RC3H2: variants seen among roughly 807,000 people sequenced by gnomAD.
RC3H2 encodes roquin-2.
RC3H2 carries 31 observed loss-of-function variants against 133.3 expected under a neutral mutation model. The ratio of observed to expected loss-of-function variants is 0.23; its 90% CI spans 0.17 to 0.31. The LOEUF (loss-of-function observed/expected upper bound fraction) is 0.31. Ranked by LOEUF, RC3H2 falls within the 10% of genes least tolerant of loss-of-function variation. RC3H2 has a pLI of 1.00. For synonymous variants in RC3H2, 517 were observed against 502.2 expected (o/e 1.03, Z -0.40); for missense variants, 1,175 against 1,437.2 (o/e 0.82, Z 2.95).
At chr9:122,875,316 T>A in intron 9 of RC3H2, 1 of 1,550,648 alleles carries the variant, frequency 6.4e-7, no homozygotes, top group Non-Finnish European at 8.7e-7. Flanking sequence ...GTGCCCAAGC[T>A]AGCCACTGAG....
intron 2 of RC3H2, among the ~76,000 whole-genome samples, chr9:122,895,608 G>C (rs904384688): frequency 2.0e-5 from 3 of 152,194 alleles, no homozygotes; most frequent in African/African-American, 7.2e-5. Flanking sequence ...GATGCACCTT[G>C]ATTTCATAGT....
intron 9 of RC3H2, 135 bp from the exon 10 acceptor site, chr9:122,865,792 T>C (rs142099395): frequency 9.0e-6 from 6 of 665,542 alleles, no homozygotes; most frequent in Non-Finnish European, 1.5e-5. Context: ...AGCTAAATAA[T>C]CAAATACAGT....
chr9:122,858,280 G>A (rs1370241503), intron 12 of RC3H2, among the ~76,000 whole-genome samples, 187 bp from the exon 13 acceptor site: 1 of 152,154 alleles, frequency 6.6e-6, no homozygotes, highest in Non-Finnish European at 1.5e-5. Context: ...GATGTTAAAC[G>A]CAGAATCTGA....
intron 10 of RC3H2, among the ~76,000 whole-genome samples, chr9:122,862,427 C>T (rs751298059): frequency 2.6e-5 from 4 of 152,194 alleles, no homozygotes; most frequent in Admixed American, 6.5e-5. Flanking sequence ...GCTGCCTTCT[C>T]CATCCACAAG....
chr9:122,889,314 C>A (rs530881956), intron 4 of RC3H2, among the ~76,000 whole-genome samples: 1 of 152,046 alleles, frequency 6.6e-6, no homozygotes, highest in South Asian at 2.1e-4. Context: ...GAAATATATT[C>A]TTTTATTGGT....
chr9:122,869,076 T>G (rs1475676062), intron 9 of RC3H2, among the ~76,000 whole-genome samples: 1 of 151,882 alleles, frequency 6.6e-6, no homozygotes. Flanking sequence ...TGGTTAACTT[T>G]TGTATTTTTA....
At chr9:122,892,081 G>T (rs1315455378) in intron 3 of RC3H2, among the ~76,000 whole-genome samples, 2 of 151,000 alleles carry the variant, frequency 1.3e-5, no homozygotes, top group Non-Finnish European at 2.9e-5. Context: ...TTCAAATAAT[G>T]TACAAATTTC....
intron 2 of RC3H2, among the ~76,000 whole-genome samples, chr9:122,896,323 T>C (rs572864386): frequency 1.3e-5 from 2 of 152,232 alleles, no homozygotes; most frequent in South Asian, 4.1e-4. Flanking sequence ...TACACTATTA[T>C]ATAAAAAGTC....
At chr9:122,857,623 G>A (rs1471291865) in intron 13 of RC3H2, among the ~76,000 whole-genome samples, 1 of 152,082 alleles carries the variant, frequency 6.6e-6, no homozygotes, top group Non-Finnish European at 1.5e-5. Flanking sequence ...ATACAGTGCT[G>A]GCATGAGTAG....
At chr9:122,894,227 C>G (rs1832322092) in intron 2 of RC3H2, among the ~76,000 whole-genome samples, 1 of 151,768 alleles carries the variant, frequency 6.6e-6, no homozygotes, top group Admixed American at 6.6e-5. Context: ...CCACTGCACT[C>G]CAGCCTGGGC....
chr9:122,896,988 T>G (rs948176503), intron 2 of RC3H2, among the ~76,000 whole-genome samples: 6 of 122,534 alleles, frequency 4.9e-5, no homozygotes, highest in Non-Finnish European at 9.3e-5. Context: ...ATCACGCCAC[T>G]GCACACCAGC....
chr9:122,857,954 G>A lies in RC3H2; in HGVS notation c.2423C>T (p.Ser808Phe), dbSNP rs1251960233. The part of the protein sequence containing the change: ...PVATQSPTPP[S>F]PLFSVDFRAD... ...ACGAAAGTCTACACTGAACAGAGGAGAAGGTGGTGTTGGTGACTGTGTTGC... is the reference window on the plus strand; with the variant it reads ...ACGAAAGTCTACACTGAACAGAGGAAAAGGTGGTGTTGGTGACTGTGTTGC... Residue 808 changes from serine (S) to phenylalanine (F), a missense_variant, in exon 13 of 21, where the codon TCT (serine) becomes TTT (phenylalanine). This residue lies in a region of RC3H2 where 490 missense variants were observed against 492.8 expected (regional missense o/e 0.99). Transcript: ENST00000357244. The A allele has an allele frequency of 6.2e-7, 1 of 1,614,200 alleles. No homozygotes were observed. Among genetic ancestry groups the A allele is most frequent in the East Asian group, 2.2e-5 (1 of 44,884 alleles).
chr9:122,880,808 A>C lies in RC3H2; in HGVS notation c.760-14T>G, dbSNP rs1196238162. ...TCTTTTGGTAACCTAAAAAATAGAA[A>C]AGAGAAAAATCAGAATTGGTCTGTG... is the stretch of plus-strand genomic sequence containing the variant. On this transcript the variant is annotated splice_polypyrimidine_tract_variant and intron_variant, in intron 5 of 20. Coordinates refer to ENST00000357244, the MANE Select transcript of RC3H2 (RefSeq NM_001100588.3). 6.3e-7 allele frequency: 1 copy of C among 1,598,034 alleles called. No individual in the cohort carries two copies. The highest frequency in any genetic ancestry group is 8.6e-7 in the Non-Finnish European group (1 of 1,165,796).
At chr9:122,866,899 C>A (rs1830705525) in intron 9 of RC3H2, among the ~76,000 whole-genome samples, 1 of 150,470 alleles carries the variant, frequency 6.6e-6, no homozygotes, top group Non-Finnish European at 1.5e-5. Context: ...CTCTGCCTGG[C>A]TGCCCAGTCT....
intron 2 of RC3H2, among the ~76,000 whole-genome samples, chr9:122,894,258 C>CA (rs75934340): frequency 0.017 from 2,272 of 131,594 alleles, 23 homozygotes; most frequent in South Asian, 0.068. Context: ...GACTCCGTCT[C>CA]AAAAAAAAAA....
Position 122,897,594 on chromosome 9 carries a change from T to A in RC3H2, c.-67-18A>T, listed in dbSNP as rs1232333012. On this transcript the variant is annotated intron_variant, in intron 1 of 20. Transcript: ENST00000357244. Reference sequence around the variant, plus strand: ...TTTGTAAGCTAGAAATGGACAAAAGTATGAATTAACCACATATTCATCATT... The same window carrying A: ...TTTGTAAGCTAGAAATGGACAAAAGAATGAATTAACCACATATTCATCATT... 2 of 1,492,886 alleles carry A rather than the reference T, an allele frequency of 1.3e-6. No homozygotes were observed. The allele number at this position is 1,492,886 out of a possible 1,614,324, so 92.5% of individuals were successfully genotyped here. A position where few individuals can be genotyped will look rare whatever the true frequency, so the allele number is the denominator to read the frequency against.
At position 122,897,617 on chromosome 9, in the gene RC3H2, A is replaced by G. The variant is rs1832479027; in HGVS notation, c.-67-41T>C. 97 of 1,370,596 alleles carry G rather than the reference A, an allele frequency of 7.1e-5. No individual in the cohort carries two copies. The South Asian group carries it at 1.4e-3, about 20-fold the overall frequency. 84.9% of individuals were successfully genotyped at this position (1,370,596 alleles called of 1,614,324 possible). On this transcript the variant is annotated intron_variant, in intron 1 of 20. Coordinates refer to ENST00000357244, the MANE Select transcript of RC3H2 (RefSeq NM_001100588.3). ...AGTATGAATTAACCACATATTCATC[A>G]TTCACCTTTGAAGAGTTAATTGCTT...
intron 9 of RC3H2, among the ~76,000 whole-genome samples, chr9:122,872,796 G>T (rs951521474): frequency 3.3e-5 from 5 of 152,256 alleles, no homozygotes; most frequent in African/African-American, 9.6e-5. Context: ...ATGCTGGCCA[G>T]GCTGGTCTCA....
At chr9:122,876,826 GAGA>G (rs1831361247) in intron 9 of RC3H2, among the ~76,000 whole-genome samples, 2 of 151,702 alleles carry the variant, frequency 1.3e-5, no homozygotes, top group Admixed American at 6.6e-5. Flanking sequence ...CATAGGAGAA[GAGA>G]AAGAATACAC....
Sources: allele counts gnomAD v4.1 joint callset (sites outside exome capture counted in the v4.1 genomes callset), GRCh38; gene constraint gnomAD v4.1.1; regional missense constraint gnomAD v4.1.1; transcripts MANE v1.5; gene names NCBI Gene and HGNC (gene_info 2026-07-23, HGNC 2026-07-21).